Variants in DPY19L2 observed in about 807,000 individuals in gnomAD.
DPY19L2 encodes probable C-mannosyltransferase DPY19L2.
Under a neutral mutation model 97.9 loss-of-function variants are expected in DPY19L2, and 34 were observed. The ratio of observed to expected loss-of-function variants is 0.35; its 90% CI spans 0.26 to 0.46. The LOEUF (loss-of-function observed/expected upper bound fraction) is 0.46, where lower values mean the gene tolerates loss of function less well. DPY19L2 is among the 20% of genes least tolerant of loss of function. The pLI, the probability that DPY19L2 is intolerant of heterozygous loss-of-function variation, is 1.00. For missense variants in DPY19L2, 623 were observed against 911.4 expected (o/e 0.68, Z 4.07); for synonymous variants, 230 against 307.9 (o/e 0.75, Z 2.65).
intron 12 of DPY19L2, among the ~76,000 whole-genome samples, chr12:63,604,301 A>G (rs1885676612): frequency 6.6e-6 from 1 of 152,146 alleles, no homozygotes; most frequent in African/African-American, 2.4e-5. Flanking sequence ...CTTATAATGT[A>G]TCTTGGCATG....
chr12:63,638,610 T>C (rs1198885384), intron 6 of DPY19L2, among the ~76,000 whole-genome samples: 3 of 152,060 alleles, frequency 2.0e-5, no homozygotes, highest in African/African-American at 7.2e-5. Flanking sequence ...CATTCACAAT[T>C]GTTTCAAAGA....
At chr12:63,602,721 AC>A (rs1378467498) in intron 12 of DPY19L2, among the ~76,000 whole-genome samples, 2 of 152,168 alleles carry the variant, frequency 1.3e-5, no homozygotes, top group African/African-American at 4.8e-5. Flanking sequence ...AAAGAAACAT[AC>A]AAACCAAAGC....
At chr12:63,604,092 G>A (rs1169436693) in intron 12 of DPY19L2, among the ~76,000 whole-genome samples, 2 of 152,166 alleles carry the variant, frequency 1.3e-5, no homozygotes, top group African/African-American at 4.8e-5. Context: ...ATTAGAGAAT[G>A]TCTATTTCCC....
chr12:63,571,159 T>C (rs1480562011), intron 19 of DPY19L2, among the ~76,000 whole-genome samples: 1 of 152,224 alleles, frequency 6.6e-6, no homozygotes, highest in African/African-American at 2.4e-5. Context: ...AAACTGAGCA[T>C]GTGAGGGGTC....
intron 11 of DPY19L2, among the ~76,000 whole-genome samples, chr12:63,610,791 G>A (rs1886811193): frequency 1.2e-5 from 1 of 86,338 alleles, no homozygotes. Flanking sequence ...ACCAAATCCA[G>A]AAAAAGATAC....
chr12:63,582,415 G>A lies in DPY19L2; in HGVS notation c.1716C>T (p.Cys572=). The A allele has an allele frequency of 6.2e-7, 1 of 1,612,562 alleles. No individual in the cohort carries two copies. Among genetic ancestry groups the A allele is most frequent in the Non-Finnish European group, 8.5e-7 (1 of 1,179,314 alleles). Reference sequence around the variant, plus strand: ...AGAATGAATCCCTTACCTGTCGAGAGCATATCAAGGAAGCCATAACACACA... The same window carrying A: ...AGAATGAATCCCTTACCTGTCGAGAACATATCAAGGAAGCCATAACACACA... ...PHMCVMASLI[C]SRQLFGWLFR... The change falls in exon 18 of 22, where the codon TGC becomes TGT. Residue 572 remains cysteine, a synonymous_variant. Coordinates refer to ENST00000324472, the MANE Select transcript of DPY19L2 (RefSeq NM_173812.5).
intron 16 of DPY19L2, among the ~76,000 whole-genome samples, chr12:63,589,727 T>C (rs1214957206): frequency 2.0e-5 from 3 of 152,234 alleles, no homozygotes; most frequent in Non-Finnish European, 4.4e-5. Flanking sequence ...TAGAGAAATT[T>C]TGAAGTTCTA....
At position 63,663,865 on chromosome 12, in the gene DPY19L2, C is replaced by T; in HGVS notation, c.363-20G>A. 6.5e-7 allele frequency: 1 copy of T among 1,529,784 alleles called. No homozygotes were observed. The highest frequency in any genetic ancestry group is 2.3e-5 in the East Asian group (1 of 43,396). The allele number at this position is 1,529,784 out of a possible 1,614,324, so 94.8% of individuals were successfully genotyped here. A position where few individuals can be genotyped will look rare whatever the true frequency, so the allele number is the denominator to read the frequency against. ...TGTAACCTAGAAAAAAATGAAGTAT[C>T]ATATTACAATAAGAACGAGTTTCAA... On this transcript the variant is annotated intron_variant, in intron 2 of 21. Transcript: ENST00000324472.
At chr12:63,624,407 G>A (rs1889194708) in intron 7 of DPY19L2, among the ~76,000 whole-genome samples, 1 of 152,024 alleles carries the variant, frequency 6.6e-6, no homozygotes, top group Non-Finnish European at 1.5e-5. Context: ...TAAGAGTTGT[G>A]AAAATTCTGG....
intron 6 of DPY19L2, among the ~76,000 whole-genome samples, chr12:63,643,279 T>C (rs1369856785): frequency 1.3e-5 from 2 of 152,060 alleles, no homozygotes; most frequent in Non-Finnish European, 2.9e-5. Flanking sequence ...CCGTGCTGGA[T>C]AGTATTCCTG....
intron 17 of DPY19L2, among the ~76,000 whole-genome samples, chr12:63,583,606 T>C (rs539376161): frequency 9.9e-4 from 151 of 152,362 alleles, no homozygotes; most frequent in African/African-American, 3.0e-3. Flanking sequence ...ACTATAGTCA[T>C]AAATCAGCCT....
chr12:63,598,416 G>A (rs1435006288), intron 13 of DPY19L2, among the ~76,000 whole-genome samples: 1 of 152,058 alleles, frequency 6.6e-6, no homozygotes, highest in South Asian at 2.1e-4. Context: ...ATCCTCATAA[G>A]AATTACAATA....
chr12:63,630,422 C>G (rs1278757722), intron 6 of DPY19L2, among the ~76,000 whole-genome samples: 1 of 152,020 alleles, frequency 6.6e-6, no homozygotes, highest in Admixed American at 6.6e-5. Flanking sequence ...CAATCCTAGT[C>G]TCTGATAAAA....
intron 1 of DPY19L2, 51 bp from the exon 2 acceptor site, chr12:63,665,910 T>C (rs1346713636): frequency 1.4e-6 from 2 of 1,448,604 alleles, no homozygotes; most frequent in East Asian, 2.4e-5. Flanking sequence ...TATTATAAAA[T>C]ACCATTAAAA....
chr12:63,631,272 T>G (rs1011721607), intron 6 of DPY19L2, among the ~76,000 whole-genome samples: 3 of 151,818 alleles, frequency 2.0e-5, no homozygotes, highest in Non-Finnish European at 4.4e-5. Flanking sequence ...AATCAATGAA[T>G]CCAGGAGCTG....
intron 4 of DPY19L2, among the ~76,000 whole-genome samples, chr12:63,648,382 C>T (rs894391511): frequency 3.3e-5 from 5 of 149,838 alleles, no homozygotes; most frequent in East Asian, 1.9e-4. Flanking sequence ...CTACCCATAC[C>T]GTATAAACAA....
intron 4 of DPY19L2, chr12:63,651,672 TC>T: frequency 2.2e-6 from 1 of 451,324 alleles, no homozygotes; most frequent in Non-Finnish European, 4.5e-6. Flanking sequence ...GTGCATTGAG[TC>T]CCTGATAGCT....
chr12:63,596,819 A>C (rs1249097687), intron 14 of DPY19L2, among the ~76,000 whole-genome samples: 1 of 152,202 alleles, frequency 6.6e-6, no homozygotes, highest in Non-Finnish European at 1.5e-5. Flanking sequence ...TGAGAGTTCT[A>C]GAATCCATTA....
chr12:63,615,126 G>A (rs766364059), intron 11 of DPY19L2, among the ~76,000 whole-genome samples: 3 of 152,088 alleles, frequency 2.0e-5, no homozygotes, highest in Non-Finnish European at 2.9e-5. Context: ...GAGTAAAGAT[G>A]TTAATTTCAA....
Sources: allele counts gnomAD v4.1 joint callset (sites outside exome capture counted in the v4.1 genomes callset), GRCh38; gene constraint gnomAD v4.1.1; transcripts MANE v1.5; gene names NCBI Gene and HGNC (gene_info 2026-07-23, HGNC 2026-07-21).